The following MIPOL1 variants were observed in gnomAD, a reference collection of about 807,000 sequenced individuals.
The protein encoded by MIPOL1 is mirror-image polydactyly 1.
In MIPOL1, 57 loss-of-function variants were observed where a neutral mutation model predicts 60.9. That is an observed-to-expected ratio of 0.94 (90% CI 0.76 to 1.17). The LOEUF is 1.17. Among genes scored for constraint, MIPOL1 ranks in the 50% most tolerant of loss-of-function variants. The pLI is 0.00. For synonymous variants in MIPOL1, 179 were observed against 168.8 expected, an observed-to-expected ratio of 1.06 and a Z score of -0.47; for missense variants, 551 against 511.6, an observed-to-expected ratio of 1.08 and a Z score of -0.74.
At chr14:37,520,044 C>T (rs1345199455) in intron 12 of MIPOL1, among the ~76,000 whole-genome samples, 1 of 152,064 alleles carries the variant, frequency 6.6e-6, no homozygotes, top group East Asian at 1.9e-4. Flanking sequence ...GCCTTCTAGA[C>T]CTTAAATGTT....
At chr14:37,214,354 T>C (rs1967221886) in intron 1 of MIPOL1, among the ~76,000 whole-genome samples, 1 of 152,210 alleles carries the variant, frequency 6.6e-6, no homozygotes, top group African/African-American at 2.4e-5. Context: ...ATAGAGTTTT[T>C]ATTAGTTTTC....
intron 11 of MIPOL1, among the ~76,000 whole-genome samples, chr14:37,475,781 G>A (rs553587616): frequency 2.0e-5 from 3 of 152,160 alleles, no homozygotes; most frequent in South Asian, 2.1e-4. Flanking sequence ...TCCATTGATC[G>A]ATTTTTCTAT....
chr14:37,413,724 A>G (rs1270582361), intron 10 of MIPOL1, among the ~76,000 whole-genome samples: 2 of 152,206 alleles, frequency 1.3e-5, no homozygotes, highest in South Asian at 2.1e-4. Flanking sequence ...TGTGGGCATG[A>G]GACCACAGGT....
chr14:37,467,331 C>A (rs966178944), intron 11 of MIPOL1, among the ~76,000 whole-genome samples: 1 of 152,128 alleles, frequency 6.6e-6, no homozygotes, highest in Non-Finnish European at 1.5e-5. Context: ...GTGCATACAG[C>A]ACTTGCATAA....
chr14:37,213,276 A>C (rs1475198736), intron 1 of MIPOL1, among the ~76,000 whole-genome samples: 1 of 152,210 alleles, frequency 6.6e-6, no homozygotes, highest in East Asian at 1.9e-4. Flanking sequence ...TCAGACAGAG[A>C]ATTCAAAATA....
intron 1 of MIPOL1, among the ~76,000 whole-genome samples, chr14:37,242,114 G>T (rs1190522079): frequency 3.3e-5 from 5 of 149,640 alleles, no homozygotes; most frequent in African/African-American, 9.8e-5. Context: ...GTCCTTCAAG[G>T]TTTCCTATTA....
intron 11 of MIPOL1, among the ~76,000 whole-genome samples, chr14:37,443,448 C>CT (rs2094281681): frequency 1.1e-5 from 1 of 90,734 alleles, no homozygotes; most frequent in Admixed American, 1.9e-4. Flanking sequence ...GACAGAGAGA[C>CT]TATCTCACCA....
At chr14:37,363,784 G>A (rs568644743) in intron 9 of MIPOL1, among the ~76,000 whole-genome samples, 22 of 152,274 alleles carry the variant, frequency 1.4e-4, no homozygotes, top group South Asian at 1.0e-3. Context: ...TGTGGTGGGC[G>A]CTGCCCAGTT....
intron 9 of MIPOL1, among the ~76,000 whole-genome samples, chr14:37,329,632 A>G (rs1385352114): frequency 6.6e-6 from 1 of 152,172 alleles, no homozygotes; most frequent in Non-Finnish European, 1.5e-5. Flanking sequence ...CAACATTTAT[A>G]ATGGCAAATA....
In MIPOL1 at chr14:37,547,954, T is replaced by C. The variant is rs1408232648; in HGVS notation, c.*983T>C. The C allele has an allele frequency of 2.0e-5, 3 of 152,130 alleles. No homozygotes were observed. Among genetic ancestry groups the C allele is most frequent in the Non-Finnish European group, 4.4e-5 (3 of 67,948 alleles). The allele number at this position is 152,130 out of a possible 1,614,324, so 9.4% of individuals were successfully genotyped here. A position where few individuals can be genotyped will look rare whatever the true frequency, so the allele number is the denominator to read the frequency against. On this transcript the variant is annotated 3_prime_UTR_variant, in exon 13 of 13. Transcript: ENST00000684589. ...TTAAGGTTACCTGCTTTTTATTTTA[T>C]TCCAGAAATAAGATAGTTACAGCAT...
At chr14:37,445,142 G>GC (rs1566617024) in intron 11 of MIPOL1, among the ~76,000 whole-genome samples, 1 of 152,122 alleles carries the variant, frequency 6.6e-6, no homozygotes. Flanking sequence ...AATTGTCCCT[G>GC]TTTGCAGATG....
chr14:37,369,387 C>T, intron 9 of MIPOL1, 130 bp from the exon 10 acceptor site: 1 of 428,070 alleles, frequency 2.3e-6, no homozygotes, highest in Non-Finnish European at 3.9e-6. Context: ...CTTTTACTTA[C>T]CATTCTTGTT....
chr14:37,279,062 T>C lies in MIPOL1; in HGVS notation c.494-6256T>C, dbSNP rs545788613. Among the ~76,000 whole-genome samples the C allele has an allele frequency of 3.3e-5, 5 of 151,638 alleles. No homozygotes were observed. The East Asian group carries it at 9.6e-4, about 29-fold the overall frequency. On this transcript the variant is annotated intron_variant, in intron 6 of 12. Coordinates refer to ENST00000684589, the MANE Select transcript of MIPOL1 (RefSeq NM_001388067.1). Reference sequence around the variant, plus strand: ...TCCAAATATTATTGTAAACACCCAATGATTTGTTTTACCTACAATATAAGT... The same window carrying C: ...TCCAAATATTATTGTAAACACCCAACGATTTGTTTTACCTACAATATAAGT...
intron 11 of MIPOL1, among the ~76,000 whole-genome samples, chr14:37,459,042 A>C (rs2094509512): frequency 6.6e-6 from 1 of 152,022 alleles, no homozygotes; most frequent in Non-Finnish European, 1.5e-5. Context: ...ATAGCATTGA[A>C]TGTCTACATC....
intron 6 of MIPOL1, among the ~76,000 whole-genome samples, chr14:37,283,051 A>G (rs1200556977): frequency 7.6e-6 from 1 of 132,186 alleles, no homozygotes; most frequent in African/African-American, 3.0e-5. Context: ...TTTGTTTTTG[A>G]TGTTGCTGTT....
At chr14:37,238,282 A>AC (rs1245210793) in intron 1 of MIPOL1, among the ~76,000 whole-genome samples, 2 of 152,198 alleles carry the variant, frequency 1.3e-5, no homozygotes, top group African/African-American at 2.4e-5. Context: ...TGTATGTATT[A>AC]CCCAAGTTTG....
intron 12 of MIPOL1, among the ~76,000 whole-genome samples, chr14:37,519,611 T>A (rs563701434): frequency 6.6e-6 from 1 of 152,138 alleles, no homozygotes; most frequent in Non-Finnish European, 1.5e-5. Context: ...CTCATTCACC[T>A]CACTCTAGTT....
At chr14:37,318,399 G>A in intron 9 of MIPOL1, among the ~76,000 whole-genome samples, 1 of 152,156 alleles carries the variant, frequency 6.6e-6, no homozygotes, top group Middle Eastern at 3.2e-3. Flanking sequence ...TTCAGGAAAA[G>A]TAGGGAACAT....
intron 12 of MIPOL1, among the ~76,000 whole-genome samples, chr14:37,511,206 A>G (rs1312961989): frequency 6.6e-6 from 1 of 152,174 alleles, no homozygotes; most frequent in East Asian, 1.9e-4. Context: ...TATAGGGAAA[A>G]AGTCAGTGCA....
Sources: allele counts gnomAD v4.1 joint callset (sites outside exome capture counted in the v4.1 genomes callset), GRCh38; gene constraint gnomAD v4.1.1; transcripts MANE v1.5; gene names NCBI Gene and HGNC (gene_info 2026-07-23, HGNC 2026-07-21).